PPTC7: variants seen among roughly 807,000 people sequenced by gnomAD.
PPTC7 encodes protein phosphatase targeting COQ7.
Under a neutral mutation model 30.8 loss-of-function variants are expected in PPTC7, and 6 were observed. That is an observed-to-expected ratio of 0.19 (90% CI 0.11 to 0.38). The LOEUF is 0.38. Among genes scored for constraint, PPTC7 ranks in the 10% least tolerant of loss-of-function variants. The probability of loss-of-function intolerance (pLI) is 1.00; values close to 1 mark genes in which losing one functional copy is unlikely to be tolerated. For missense variants in PPTC7, 218 were observed against 404.8 expected (o/e 0.54, Z 3.96); for synonymous variants, 163 against 168.1 (o/e 0.97, Z 0.23).
At chr12:110,572,120 A>T (rs2064541683) in intron 1 of PPTC7, among the ~76,000 whole-genome samples, 1 of 152,204 alleles carries the variant, frequency 6.6e-6, no homozygotes, top group Non-Finnish European at 1.5e-5. Context: ...TAAGTCAAAA[A>T]ACTTGCTAGA....
intron 5 of PPTC7, among the ~76,000 whole-genome samples, chr12:110,537,659 A>T (rs2064229422): frequency 6.6e-6 from 1 of 152,226 alleles, no homozygotes; most frequent in Admixed American, 6.5e-5. Flanking sequence ...AAAGTCACAC[A>T]TCATGCTGTA....
chr12:110,574,978 T>C (rs1365003889), intron 1 of PPTC7, among the ~76,000 whole-genome samples: 12 of 147,376 alleles, frequency 8.1e-5, no homozygotes, highest in Non-Finnish European at 1.6e-4. Flanking sequence ...TTAGTGGAGA[T>C]GGGGTTTCGT....
intron 3 of PPTC7, among the ~76,000 whole-genome samples, chr12:110,544,829 G>GTC (rs1593145888): frequency 6.6e-6 from 1 of 152,244 alleles, no homozygotes; most frequent in East Asian, 1.9e-4. Flanking sequence ...GCAGGACTCT[G>GTC]TCTCAGAGAA....
chr12:110,564,757 CATATATATACACGT>C (rs2064466426), intron 1 of PPTC7, among the ~76,000 whole-genome samples: 1 of 148,054 alleles, frequency 6.8e-6, no homozygotes, highest in African/African-American at 2.5e-5. Context: ...TTTATATACA[CATATATATACACGT>C]ATATATATAC....
chr12:110,562,812 G>C (rs1433602946), intron 1 of PPTC7, among the ~76,000 whole-genome samples: 1 of 141,746 alleles, frequency 7.1e-6, no homozygotes, highest in Admixed American at 7.1e-5. Context: ...AAAAGAAGAG[G>C]AAAAAAAAAA....
chr12:110,554,068 G>T (rs2064368557), intron 1 of PPTC7, among the ~76,000 whole-genome samples: 1 of 152,140 alleles, frequency 6.6e-6, no homozygotes, highest in Admixed American at 6.5e-5. Context: ...GGCCAGGCTG[G>T]TCTCAAACTC....
At chr12:110,558,808 G>A (rs1278031520) in intron 1 of PPTC7, among the ~76,000 whole-genome samples, 5 of 152,004 alleles carry the variant, frequency 3.3e-5, no homozygotes, top group African/African-American at 4.8e-5. Flanking sequence ...GGGTTTCACC[G>A]TGTTGGCCAG....
intron 1 of PPTC7, 113 bp downstream of exon 1, chr12:110,582,696 A>G: frequency 1.1e-6 from 1 of 903,310 alleles, no homozygotes; most frequent in Non-Finnish European, 1.6e-6. Context: ...CGCTCCCTCC[A>G]TGTGAGCGCT....
At chr12:110,547,400 G>A (rs149087692) in intron 2 of PPTC7, among the ~76,000 whole-genome samples, 1 of 152,254 alleles carries the variant, frequency 6.6e-6, no homozygotes, top group Non-Finnish European at 1.5e-5. Context: ...ATAACAGTAA[G>A]TACCTCATAG....
At chr12:110,550,890 C>T (rs1174736907) in intron 2 of PPTC7, among the ~76,000 whole-genome samples, 1 of 152,164 alleles carries the variant, frequency 6.6e-6, no homozygotes, top group Non-Finnish European at 1.5e-5. Context: ...CAGGCCAGAC[C>T]ATTTCTTTTC....
chr12:110,571,093 C>T (rs572071275), intron 1 of PPTC7, among the ~76,000 whole-genome samples: 253 of 152,154 alleles, frequency 1.7e-3, no homozygotes, highest in Non-Finnish European at 3.2e-3. Flanking sequence ...ATCCCGAGGA[C>T]GTCTACAGTC....
chr12:110,574,141 TAAAA>T (rs58133391), intron 1 of PPTC7, among the ~76,000 whole-genome samples: 4 of 37,442 alleles, frequency 1.1e-4, no homozygotes, highest in Non-Finnish European at 1.4e-4. Flanking sequence ...CCACAATAAT[TAAAA>T]AAAAAAAAAA....
chr12:110,551,336 A>G (rs2064348210), intron 2 of PPTC7, among the ~76,000 whole-genome samples: 1 of 152,098 alleles, frequency 6.6e-6, no homozygotes, highest in South Asian at 2.1e-4. Flanking sequence ...TATTCTGGTT[A>G]GCCTATAGTT....
chr12:110,537,599 G>A (rs2064228976), intron 5 of PPTC7, among the ~76,000 whole-genome samples: 1 of 152,152 alleles, frequency 6.6e-6, no homozygotes. Context: ...GCTCTGATAT[G>A]CTAGCACCAA....
intron 2 of PPTC7, among the ~76,000 whole-genome samples, chr12:110,547,098 C>T (rs1016359213): frequency 3.3e-5 from 5 of 152,036 alleles, no homozygotes; most frequent in East Asian, 1.9e-4. Context: ...TGAGAATTTA[C>T]GCTAAGAAAA....
At chr12:110,575,036 C>A (rs1186410896) in intron 1 of PPTC7, among the ~76,000 whole-genome samples, 1 of 151,390 alleles carries the variant, frequency 6.6e-6, no homozygotes, top group African/African-American at 2.4e-5. Flanking sequence ...ATGATCCACC[C>A]GCCTTGGCCT....
At chr12:110,547,998 T>A (rs1231431801) in intron 2 of PPTC7, among the ~76,000 whole-genome samples, 1 of 151,930 alleles carries the variant, frequency 6.6e-6, no homozygotes, top group Non-Finnish European at 1.5e-5. Context: ...TCCCAGCTAC[T>A]TCGGAGGCTG....
In PPTC7 at chr12:110,536,601, T is replaced by C. The variant is rs753063362; in HGVS notation, c.*436A>G. 115 of 157,316 alleles carry C rather than the reference T, an allele frequency of 7.3e-4. No individual in the cohort carries two copies. The highest frequency in any genetic ancestry group is 1.3e-3 in the Non-Finnish European group (96 of 71,546). 9.7% of individuals were successfully genotyped at this position (157,316 alleles called of 1,614,324 possible). A position where few individuals can be genotyped will look rare whatever the true frequency, so the allele number is the denominator to read the frequency against. On this transcript the variant is annotated 3_prime_UTR_variant, in exon 6 of 6. Transcript: ENST00000354300. ...GTGGAGTACACATGTAACATTTCTTTTGATGAATAATGTATGTTTCTAGTA... is the reference window on the plus strand; with the variant it reads ...GTGGAGTACACATGTAACATTTCTTCTGATGAATAATGTATGTTTCTAGTA...
At chr12:110,541,776 C>T (rs1263263635) in intron 3 of PPTC7, among the ~76,000 whole-genome samples, 1 of 151,556 alleles carries the variant, frequency 6.6e-6, no homozygotes, top group Non-Finnish European at 1.5e-5. Flanking sequence ...GACTCTGTGT[C>T]TCCCAAGGGT....
Sources: allele counts gnomAD v4.1 joint callset (sites outside exome capture counted in the v4.1 genomes callset), GRCh38; gene constraint gnomAD v4.1.1; transcripts MANE v1.5; gene names NCBI Gene and HGNC (gene_info 2026-07-23, HGNC 2026-07-21).